GABRB2: variants seen among roughly 807,000 people sequenced by gnomAD.
GABRB2 encodes gamma-aminobutyric acid type A receptor subunit beta2.
Under a neutral mutation model 54.7 loss-of-function variants are expected in GABRB2, and 16 were observed. The ratio of observed to expected loss-of-function variants is 0.29; its 90% CI spans 0.20 to 0.44. GABRB2 has a LOEUF of 0.44. GABRB2 is among the 20% of genes least tolerant of loss of function. The pLI is 1.00. For missense variants in GABRB2, 355 were observed against 644.0 expected, an observed-to-expected ratio of 0.55 and a Z score of 4.86; for synonymous variants, 244 against 233.8, an observed-to-expected ratio of 1.04 and a Z score of -0.40.
chr5:161,357,519 C>CAA (rs11423363), intron 5 of GABRB2, among the ~76,000 whole-genome samples: 2,097 of 140,668 alleles, frequency 0.015, 37 homozygotes, highest in African/African-American at 0.039. Context: ...GAGTTTTGAG[C>CAA]AAAAAAAAAA....
intron 9 of GABRB2, among the ~76,000 whole-genome samples, chr5:161,302,442 A>T (rs1009316843): frequency 2.6e-5 from 4 of 152,136 alleles, no homozygotes; most frequent in African/African-American, 4.8e-5. Flanking sequence ...CTCTGGAGAG[A>T]TGTCCTTGTG....
At position 161,545,052 on chromosome 5, in the gene GABRB2, G is replaced by T. The variant is rs146354147; in HGVS notation, c.237+175C>A. Among the ~76,000 whole-genome samples the T allele has an allele frequency of 8.7e-4, 133 of 152,100 alleles. 3 individuals carry two copies. In the East Asian group the frequency reaches 0.023, roughly 27 times the overall value. On this transcript the variant is annotated intron_variant, in intron 3 of 9. Coordinates refer to ENST00000393959, the MANE Select transcript of GABRB2 (RefSeq NM_001371727.1). ...AGGTTGAAAAAATCCTTAGGGACCA[G>T]AAAGAGTCAACTCTCTAACCTCAAC...
At chr5:161,297,605 T>A (rs1757419221) in intron 9 of GABRB2, among the ~76,000 whole-genome samples, 1 of 152,116 alleles carries the variant, frequency 6.6e-6, no homozygotes. Context: ...TTGCAAGGGA[T>A]ATGGACTCGT....
intron 4 of GABRB2, among the ~76,000 whole-genome samples, chr5:161,412,928 C>T (rs906295149): frequency 1.3e-5 from 2 of 152,094 alleles, no homozygotes; most frequent in Admixed American, 1.3e-4. Flanking sequence ...TTTTTAGAGA[C>T]AGGTTCTTTC....
chr5:161,391,332 T>C (rs1755814326), intron 5 of GABRB2, among the ~76,000 whole-genome samples: 1 of 152,132 alleles, frequency 6.6e-6, no homozygotes, highest in Admixed American at 6.5e-5. Context: ...TGTCCCCCTC[T>C]TTTTTTATGT....
At chr5:161,513,025 C>T (rs6875016) in intron 3 of GABRB2, among the ~76,000 whole-genome samples, 7,873 of 149,200 alleles carry the variant, frequency 0.053, 611 homozygotes, top group African/African-American at 0.17. Flanking sequence ...CCAGTCAGAA[C>T]GGCAATTATT....
At chr5:161,390,555 A>C (rs763245930) in intron 5 of GABRB2, among the ~76,000 whole-genome samples, 1 of 152,134 alleles carries the variant, frequency 6.6e-6, no homozygotes, top group Non-Finnish European at 1.5e-5. Context: ...AGATTTTATC[A>C]ATGTTAATTT....
chr5:161,403,277 G>C (rs1010340831), intron 5 of GABRB2, among the ~76,000 whole-genome samples: 3 of 152,122 alleles, frequency 2.0e-5, no homozygotes, highest in African/African-American at 7.2e-5. Context: ...GAGTGAGAGT[G>C]AAATAATCTG....
chr5:161,394,192 T>C (rs1478211166), intron 5 of GABRB2, among the ~76,000 whole-genome samples: 1 of 152,010 alleles, frequency 6.6e-6, no homozygotes, highest in Non-Finnish European at 1.5e-5. Flanking sequence ...ATTAAGATTT[T>C]GGGAAAGTGA....
chr5:161,335,584 GCA>G (rs1485537737), intron 6 of GABRB2, among the ~76,000 whole-genome samples: 1 of 152,138 alleles, frequency 6.6e-6, no homozygotes, highest in Non-Finnish European at 1.5e-5. Context: ...AAATAACAGA[GCA>G]CAGTCTTAGA....
At chr5:161,544,746 G>A (rs193207966) in intron 3 of GABRB2, among the ~76,000 whole-genome samples, 14 of 152,276 alleles carry the variant, frequency 9.2e-5, no homozygotes, top group African/African-American at 3.1e-4. Context: ...AATGGGGGAT[G>A]GGGGCTTGCC....
At chr5:161,438,372 G>T (rs1757369453) in intron 4 of GABRB2, among the ~76,000 whole-genome samples, 1 of 152,078 alleles carries the variant, frequency 6.6e-6, no homozygotes, top group East Asian at 1.9e-4. Flanking sequence ...CATACAGCTT[G>T]GATCACAACA....
chr5:161,429,173 C>G, intron 4 of GABRB2, among the ~76,000 whole-genome samples: 1 of 149,688 alleles, frequency 6.7e-6, no homozygotes. Flanking sequence ...ATGGTGAAAC[C>G]CCATCTCTAC....
At position 161,371,780 on chromosome 5, in the gene GABRB2, G is replaced by A. The variant is rs564263852; in HGVS notation, c.542-35011C>T. 9.7e-4 allele frequency among the ~76,000 whole-genome samples: 147 copies of A among 151,774 alleles called. 1 individual carries two copies. Among genetic ancestry groups the A allele is most frequent in the Non-Finnish European group, 1.1e-3 (76 of 67,772 alleles). On this transcript the variant is annotated intron_variant, in intron 5 of 9. Transcript: ENST00000393959. ...TCTGTAGCCCAGGCTGGAGTGCATT[G>A]GGGCAATCACAGCTCACTGCAGCCA...
At chr5:161,405,098 C>G (rs1756308771) in intron 5 of GABRB2, among the ~76,000 whole-genome samples, 1 of 152,014 alleles carries the variant, frequency 6.6e-6, no homozygotes, top group Non-Finnish European at 1.5e-5. Flanking sequence ...ACAGAGTCTA[C>G]TCTCTTTCCT....
chr5:161,333,883 T>C (rs1753920160), intron 7 of GABRB2, among the ~76,000 whole-genome samples: 1 of 152,240 alleles, frequency 6.6e-6, no homozygotes, highest in Non-Finnish European at 1.5e-5. Flanking sequence ...CCCCTTGCTT[T>C]ATATCCCTCT....
rs141330383 is a variant in GABRB2 at position 161,336,785 on chromosome 5, TAC to T, written c.542-18_542-17del. 7,121 of 1,229,632 alleles carry T rather than the reference TAC, an allele frequency of 5.8e-3. 13 individuals carry two copies. The highest frequency in any genetic ancestry group is 0.019 in the African/African-American group (1,095 of 56,298). 76.2% of individuals were successfully genotyped at this position (1,229,632 alleles called of 1,614,324 possible). On this transcript the variant is annotated splice_polypyrimidine_tract_variant and intron_variant, in intron 5 of 9. Transcript: ENST00000393959. ...GTGTATCCATCTGTGAAAGGAAACA[TAC>T]ACACACACACACACAAATACAGAAA...
intron 8 of GABRB2, 135 bp from the exon 9 acceptor site, chr5:161,326,616 T>A: frequency 9.0e-7 from 1 of 1,111,224 alleles, no homozygotes. Flanking sequence ...TAACAGAGAA[T>A]GGGAATTTGA....
chr5:161,458,930 A>T (rs1332229842), intron 4 of GABRB2, among the ~76,000 whole-genome samples: 2 of 152,210 alleles, frequency 1.3e-5, no homozygotes, highest in Non-Finnish European at 2.9e-5. Flanking sequence ...ATGAAGAGAA[A>T]TCCTTTATAT....
Sources: allele counts gnomAD v4.1 joint callset (sites outside exome capture counted in the v4.1 genomes callset), GRCh38; gene constraint gnomAD v4.1.1; transcripts MANE v1.5; gene names NCBI Gene and HGNC (gene_info 2026-07-23, HGNC 2026-07-21).